The following MAP3K12 variants were observed in gnomAD, a reference collection of about 807,000 sequenced individuals.
The protein encoded by MAP3K12 is mitogen-activated protein kinase kinase kinase 12.
Under a neutral mutation model 87.5 loss-of-function variants are expected in MAP3K12, and 14 were observed. The ratio of observed to expected loss-of-function variants is 0.16; its 90% CI spans 0.11 to 0.25. The LOEUF (loss-of-function observed/expected upper bound fraction) is 0.25, where lower values mean the gene tolerates loss of function less well. MAP3K12 is among the 10% of genes least tolerant of loss of function. The probability of loss-of-function intolerance (pLI) is 1.00; values close to 1 mark genes in which losing one functional copy is unlikely to be tolerated. For missense variants in MAP3K12, 802 were observed against 1,140.4 expected (o/e 0.70, Z 4.27); for synonymous variants, 469 against 452.5 (o/e 1.04, Z -0.46).
intron 1 of MAP3K12, among the ~76,000 whole-genome samples, chr12:53,498,872 A>ACAGGTGCC (rs1489376104): frequency 6.7e-6 from 1 of 149,672 alleles, no homozygotes; most frequent in Non-Finnish European, 1.5e-5. Flanking sequence ...GCATGCAGGA[A>ACAGGTGCC]CAGGTGCTCT....
chr12:53,483,789 C>T (rs1943147938), intron 8 of MAP3K12, 66 bp from the exon 9 acceptor site: 3 of 1,612,162 alleles, frequency 1.9e-6, no homozygotes, highest in Non-Finnish European at 2.5e-6. Flanking sequence ...AGATCTCAGT[C>T]TCAGAATTCC....
At chr12:53,501,489 G>A (rs1943701534), upstream of MAP3K12, 12 of 1,557,378 alleles carry the variant, frequency 7.7e-6, no homozygotes, top group East Asian at 2.9e-4. Context: ...GATTCCTTCA[G>A]GGCGAAAAGC....
At chr12:53,497,860 G>A (rs893939495) in intron 1 of MAP3K12, among the ~76,000 whole-genome samples, 4 of 152,142 alleles carry the variant, frequency 2.6e-5, no homozygotes, top group African/African-American at 4.8e-5. Flanking sequence ...TGTGCATTAC[G>A]AGAGTCCGGG....
intron 1 of MAP3K12, among the ~76,000 whole-genome samples, chr12:53,495,349 A>T: frequency 6.9e-6 from 1 of 144,080 alleles, no homozygotes; most frequent in Non-Finnish European, 1.5e-5. Flanking sequence ...CAAAAAAAAA[A>T]AAAAAAAAAA....
intron 1 of MAP3K12, among the ~76,000 whole-genome samples, chr12:53,492,437 C>T (rs1008594654): frequency 2.6e-5 from 4 of 152,058 alleles, no homozygotes; most frequent in Non-Finnish European, 5.9e-5. Flanking sequence ...CCTTAAGCCC[C>T]GCACACTCTC....
intron 1 of MAP3K12, among the ~76,000 whole-genome samples, chr12:53,492,063 A>G (rs1420998990): frequency 1.3e-5 from 2 of 149,024 alleles, no homozygotes; most frequent in Admixed American, 1.3e-4. Flanking sequence ...TGACAGAGCA[A>G]GACTCTGTTT....
intron 1 of MAP3K12, among the ~76,000 whole-genome samples, chr12:53,494,471 A>G (rs534992180): frequency 6.6e-6 from 1 of 152,328 alleles, no homozygotes; most frequent in East Asian, 1.9e-4. Flanking sequence ...AGAGTGGGGT[A>G]GGAAGTCACC....
At chr12:53,488,932 T>G (rs147454473) in intron 1 of MAP3K12, among the ~76,000 whole-genome samples, 1 of 148,076 alleles carries the variant, frequency 6.8e-6, no homozygotes, top group African/African-American at 2.5e-5. Context: ...AAGAAAAAAT[T>G]AGCTGGGCGT....
chr12:53,481,684 T>C (rs1943053844), intron 13 of MAP3K12: 1 of 459,374 alleles, frequency 2.2e-6, no homozygotes, highest in South Asian at 2.8e-5. Context: ...TTTCAGTTGC[T>C]CAGGCCATTC....
rs201715089 is a variant in MAP3K12 at position 53,481,938 on chromosome 12, C to T, written c.2580+3G>A. The T allele has an allele frequency of 3.1e-6, 5 of 1,610,718 alleles. No homozygotes were observed. The highest frequency in any genetic ancestry group is 1.3e-5 in the African/African-American group (1 of 74,884). Reference sequence around the variant, plus strand: ...ATCTGCTTTTTGCTGTTGTGCCACTCACCCGCTCTCTGAGAAGTTCCTGGT... The same window carrying T: ...ATCTGCTTTTTGCTGTTGTGCCACTTACCCGCTCTCTGAGAAGTTCCTGGT... On this transcript the variant is annotated splice_donor_region_variant and intron_variant, in intron 13 of 13. Coordinates refer to ENST00000547488, the MANE Select transcript of MAP3K12 (RefSeq NM_001193511.2).
chr12:53,481,239 T>C lies in MAP3K12; in HGVS notation c.2622A>G (p.Glu874=), dbSNP rs769616513. 1.3e-6 allele frequency: 2 copies of C among 1,567,968 alleles called. No homozygotes were observed. The highest frequency in any genetic ancestry group is 3.7e-5 in the Admixed American group (2 of 54,522). ...CATCAACGCTGTTGGAGTTGTCCAA[T>C]TCAGTGCTGTCACAGTCTGAGTCCT... The part of the protein sequence containing the change: ...NSEDSDCDST[E]LDNSNSVDAL... Residue 874 remains glutamate, a synonymous_variant, in exon 14 of 14, where the codon GAA becomes GAG. Coordinates refer to ENST00000547488, the MANE Select transcript of MAP3K12 (RefSeq NM_001193511.2).
chr12:53,482,796 A>G lies in MAP3K12; in HGVS notation c.2007T>C (p.Pro669=), dbSNP rs1943104921. 1 of 1,611,854 alleles carries G rather than the reference A, an allele frequency of 6.2e-7. No homozygotes were observed. Among genetic ancestry groups the G allele is most frequent in the South Asian group, 1.1e-5 (1 of 90,976 alleles). The change falls in exon 11 of 14, where the codon CCT becomes CCC. Residue 669 remains proline (P), a synonymous_variant. Transcript: ENST00000547488. ...TGGAGDPGSP[P]PARGDTPPSE... ...TTGGTGGGGTGTCACCCCGGGCCGGAGGTGGTGAGCCAGGATCCCCAGCTC... is the reference window on the plus strand; with the variant it reads ...TTGGTGGGGTGTCACCCCGGGCCGGGGGTGGTGAGCCAGGATCCCCAGCTC...
In MAP3K12 at chr12:53,482,859, T is replaced by A. The variant is rs1178694664; in HGVS notation, c.1944A>T (p.Ser648=). The A allele has an allele frequency of 6.2e-7, 1 of 1,612,872 alleles. No homozygotes were observed. ...CCCGGCCCCGGGACCCTAGTGCTGCTGACAGCAGGTCTGGGGACGATGAAG... is the reference window on the plus strand; with the variant it reads ...CCCGGCCCCGGGACCCTAGTGCTGCAGACAGCAGGTCTGGGGACGATGAAG... ...KMSSSSPDLL[S]AALGSRGRGA... The change falls in exon 11 of 14, where the codon TCA becomes TCT. Residue 648 remains serine, a synonymous_variant. Coordinates refer to ENST00000547488, the MANE Select transcript of MAP3K12 (RefSeq NM_001193511.2).
At chr12:53,494,263 G>C (rs1943492153) in intron 1 of MAP3K12, among the ~76,000 whole-genome samples, 1 of 152,232 alleles carries the variant, frequency 6.6e-6, no homozygotes, top group Admixed American at 6.5e-5. Flanking sequence ...TGTGACAGGA[G>C]GGTGGGTCTC....
intron 1 of MAP3K12, among the ~76,000 whole-genome samples, chr12:53,496,546 T>A (rs535770262): frequency 1.3e-5 from 2 of 152,180 alleles, no homozygotes; most frequent in African/African-American, 4.8e-5. Context: ...GGACCTCAGA[T>A]AGACCAGGAA....
intron 8 of MAP3K12, 59 bp from the exon 9 acceptor site, chr12:53,483,782 T>C: frequency 6.2e-7 from 1 of 1,612,328 alleles, no homozygotes; most frequent in African/African-American, 1.3e-5. Context: ...CCATAACAGA[T>C]CTCAGTCTCA....
chr12:53,484,453 G>A, intron 6 of MAP3K12, 88 bp from the exon 7 acceptor site: 1 of 909,572 alleles, frequency 1.1e-6, no homozygotes, highest in East Asian at 2.5e-5. Flanking sequence ...AGTGTGTCCT[G>A]GAGAATCCAA....
chr12:53,481,453 A>G (rs947507905), intron 13 of MAP3K12, 173 bp from the exon 14 acceptor site: 15 of 333,338 alleles, frequency 4.5e-5, no homozygotes, highest in Non-Finnish European at 8.3e-5. Context: ...AGGTTCAAGC[A>G]ATTCTTCTGC....
chr12:53,500,996 G>T (rs954106731), upstream of MAP3K12: 21 of 205,068 alleles, frequency 1.0e-4, no homozygotes, highest in Non-Finnish European at 2.0e-4. Flanking sequence ...AAGGCTCCGT[G>T]CCCAAGTGAG....
Sources: allele counts gnomAD v4.1 joint callset (sites outside exome capture counted in the v4.1 genomes callset), GRCh38; gene constraint gnomAD v4.1.1; transcripts MANE v1.5; gene names NCBI Gene and HGNC (gene_info 2026-07-23, HGNC 2026-07-21).